The following MYO16 variants were observed in gnomAD, a reference collection of about 807,000 sequenced individuals.
MYO16 encodes myosin XVI.
In MYO16, 94 loss-of-function variants were observed where a neutral mutation model predicts 205.3. The ratio of observed to expected loss-of-function variants is 0.46; its 90% CI spans 0.39 to 0.54. MYO16 has a LOEUF of 0.54. Ranked by LOEUF, MYO16 falls within the 20% of genes least tolerant of loss-of-function variation. The pLI, the probability that MYO16 is intolerant of heterozygous loss-of-function variation, is 0.00. For synonymous variants in MYO16, 988 were observed against 954.0 expected (o/e 1.04, Z -0.66); for missense variants, 2,315 against 2,387.5 (o/e 0.97, Z 0.63).
intron 24 of MYO16, among the ~76,000 whole-genome samples, chr13:109,049,374 A>G (rs1354330535): frequency 1.3e-5 from 2 of 152,110 alleles, no homozygotes; most frequent in African/African-American, 4.8e-5. Context: ...GTCTCCTGCC[A>G]TGTGCTCAGC....
At chr13:108,983,293 A>C (rs1884512762) in intron 20 of MYO16, among the ~76,000 whole-genome samples, 1 of 152,058 alleles carries the variant, frequency 6.6e-6, no homozygotes, top group South Asian at 2.1e-4. Context: ...CTCCATCTGA[A>C]TCTCACGTGA....
At chr13:108,565,255 A>G in the MYO16 span, among the ~76,000 whole-genome samples, 50 of 152,264 alleles carry the variant, frequency 3.3e-4, no homozygotes, top group Non-Finnish European at 6.6e-4. Context: ...CATTGAATCT[A>G]TTGGTTACTT....
At chr13:108,629,352 T>C (rs976494828), upstream of MYO16, 1 of 153,108 alleles carries the variant, frequency 6.5e-6, no homozygotes, top group Non-Finnish European at 1.5e-5. Flanking sequence ...TCTGGTCATA[T>C]GTGGCTGATG....
the MYO16 span, among the ~76,000 whole-genome samples, chr13:108,523,040 G>C: frequency 3.3e-5 from 5 of 152,110 alleles, no homozygotes. Context: ...TTTAGACAGA[G>C]GATAACATTA....
chr13:109,000,555 A>G (rs1464159028), intron 21 of MYO16, among the ~76,000 whole-genome samples: 1 of 152,228 alleles, frequency 6.6e-6, no homozygotes, highest in African/African-American at 2.4e-5. Context: ...TTTGGACTAT[A>G]TGAATAATTT....
intron 1 of MYO16, chr13:108,659,453 C>A: frequency 2.9e-6 from 1 of 350,090 alleles, no homozygotes; most frequent in Non-Finnish European, 5.6e-6. Context: ...GGCTTCTGGC[C>A]ATAAACTTTT....
At chr13:109,163,478 T>TCACTCCCTCCC (rs1878489111) in intron 32 of MYO16, among the ~76,000 whole-genome samples, 1 of 149,338 alleles carries the variant, frequency 6.7e-6, no homozygotes, top group African/African-American at 2.5e-5. Context: ...CTTCCTTCCC[T>TCACTCCCTCCC]CCATCCCTCC....
chr13:108,577,487 C>T, the MYO16 span, among the ~76,000 whole-genome samples: 1 of 152,168 alleles, frequency 6.6e-6, no homozygotes, highest in Non-Finnish European at 1.5e-5. Flanking sequence ...GACTTCATGG[C>T]TTTAATTTCT....
At chr13:108,913,563 A>G (rs1485419554) in intron 16 of MYO16, among the ~76,000 whole-genome samples, 1 of 152,244 alleles carries the variant, frequency 6.6e-6, no homozygotes, top group Non-Finnish European at 1.5e-5. Context: ...TTAGAAATGT[A>G]AACCTGAATT....
chr13:108,541,669 T>C, the MYO16 span, among the ~76,000 whole-genome samples: 5 of 152,094 alleles, frequency 3.3e-5, no homozygotes, highest in African/African-American at 1.2e-4. Flanking sequence ...ACAATATTTA[T>C]TCAAAAGAAG....
At chr13:108,751,501 A>T (rs9555502) in intron 4 of MYO16, among the ~76,000 whole-genome samples, 1 of 152,316 alleles carries the variant, frequency 6.6e-6, no homozygotes, top group East Asian at 1.9e-4. Flanking sequence ...AGATTTCCAA[A>T]TAAGTATGTA....
At chr13:109,101,878 A>T (rs1380040208) in intron 28 of MYO16, 47 of 152,174 alleles carry the variant, frequency 3.1e-4, no homozygotes, top group Admixed American at 3.1e-3. Flanking sequence ...AAGGATGGGG[A>T]CTTGGCTTTA....
intron 3 of MYO16, among the ~76,000 whole-genome samples, chr13:108,714,308 G>C (rs757972414): frequency 6.6e-6 from 1 of 152,164 alleles, no homozygotes; most frequent in Non-Finnish European, 1.5e-5. Flanking sequence ...ACCCGCCTTG[G>C]CCTCCCGAAG....
the MYO16 span, among the ~76,000 whole-genome samples, chr13:108,501,892 T>C: frequency 1.3e-4 from 20 of 152,304 alleles, no homozygotes; most frequent in South Asian, 1.2e-3. Context: ...GTATAATTTA[T>C]GAGGTAGTTG....
intron 20 of MYO16, among the ~76,000 whole-genome samples, chr13:108,974,886 G>A (rs1884194685): frequency 6.6e-6 from 1 of 152,156 alleles, no homozygotes; most frequent in Non-Finnish European, 1.5e-5. Context: ...ATGGAGCTAA[G>A]GAGGGAACAT....
chr13:108,683,757 G>C (rs972297600), intron 2 of MYO16, among the ~76,000 whole-genome samples: 13 of 152,200 alleles, frequency 8.5e-5, no homozygotes, highest in Non-Finnish European at 1.9e-4. Context: ...ATAAGGTTTA[G>C]CATTAAGCCT....
chr13:109,013,209 A>G (rs1420068828), intron 22 of MYO16, among the ~76,000 whole-genome samples: 1 of 149,156 alleles, frequency 6.7e-6, no homozygotes, highest in Non-Finnish European at 1.5e-5. Context: ...GAGTGAGAAC[A>G]TGCGGTGTTT....
At chr13:108,824,086 G>T (rs1876128825) in intron 9 of MYO16, among the ~76,000 whole-genome samples, 1 of 152,046 alleles carries the variant, frequency 6.6e-6, no homozygotes, top group South Asian at 2.1e-4. Context: ...AAATAACATT[G>T]CATGTAACGT....
chr13:108,943,725 A>T (rs1343892658), intron 16 of MYO16, among the ~76,000 whole-genome samples: 5 of 152,118 alleles, frequency 3.3e-5, no homozygotes. Flanking sequence ...TGCTGGGATT[A>T]TAGGTGTGAG....
Sources: gnomAD v4.1 joint callset for allele counts (sites outside exome capture counted in the v4.1 genomes callset) on GRCh38, gnomAD v4.1.1 for gene constraint, MANE v1.5 for transcripts, NCBI Gene and HGNC (gene_info 2026-07-23, HGNC 2026-07-21) for gene names.